The following EHBP1 variants were observed in gnomAD, a reference collection of about 807,000 sequenced individuals.
EHBP1 encodes EH domain binding protein 1.
EHBP1 carries 55 observed loss-of-function variants against 144.0 expected under a neutral mutation model. The ratio of observed to expected loss-of-function variants is 0.38; its 90% confidence interval spans 0.31 to 0.48. The LOEUF is 0.48. EHBP1 is among the 20% of genes least tolerant of loss of function. EHBP1 has a pLI of 0.98. For missense variants in EHBP1, 1,200 were observed against 1,364.2 expected (o/e 0.88, Z 1.90); for synonymous variants, 469 against 472.7 (o/e 0.99, Z 0.10).
chr2:62,717,994 C>T (rs1572945289), intron 2 of EHBP1, among the ~76,000 whole-genome samples: 1 of 152,096 alleles, frequency 6.6e-6, no homozygotes, highest in Admixed American at 6.5e-5. Context: ...TTTAATAGTC[C>T]TCCTGGCTAA....
intron 2 of EHBP1, among the ~76,000 whole-genome samples, chr2:62,723,849 C>T (rs1327159028): frequency 1.3e-5 from 2 of 152,170 alleles, no homozygotes; most frequent in Non-Finnish European, 2.9e-5. Context: ...CTGAGAGGTC[C>T]ACTGTTAGTC....
chr2:62,958,559 A>T (rs2057836358), intron 14 of EHBP1, among the ~76,000 whole-genome samples: 1 of 152,216 alleles, frequency 6.6e-6, no homozygotes, highest in Non-Finnish European at 1.5e-5. Flanking sequence ...GGTAGGTGGG[A>T]TATCATGAGC....
intron 8 of EHBP1, among the ~76,000 whole-genome samples, chr2:62,860,917 T>TA (rs1481568115): frequency 6.6e-6 from 1 of 152,092 alleles, no homozygotes; most frequent in African/African-American, 2.4e-5. Context: ...CTGATCTTTT[T>TA]AAATATATGC....
intron 2 of EHBP1, among the ~76,000 whole-genome samples, chr2:62,729,539 T>C (rs1328260624): frequency 1.7e-5 from 2 of 118,742 alleles, no homozygotes; most frequent in African/African-American, 6.7e-5. Context: ...ATATATATAA[T>C]ATATATTATA....
chr2:62,909,484 G>A (rs2054040428), intron 10 of EHBP1, among the ~76,000 whole-genome samples: 1 of 152,188 alleles, frequency 6.6e-6, no homozygotes, highest in Admixed American at 6.5e-5. Context: ...GCTCTGCTAA[G>A]CAGAGTCTTT....
In EHBP1 at chr2:62,870,546, C is replaced by T. The variant is rs571799939; in HGVS notation, c.999-3800C>T. Among the ~76,000 whole-genome samples, 15 of 151,564 alleles carry T rather than the reference C, an allele frequency of 9.9e-5. No homozygotes were observed. The South Asian group carries it at 3.1e-3, about 32-fold the overall frequency. Reference sequence around the variant, plus strand: ...CCTGACCAACATGGTGAGACCCCCCCCATCTACTAAAAATACAAAATTAGC... The same window carrying T: ...CCTGACCAACATGGTGAGACCCCCCTCATCTACTAAAAATACAAAATTAGC... On this transcript the variant is annotated intron_variant, in intron 9 of 22. Coordinates refer to ENST00000431489, the MANE Select transcript of EHBP1 (RefSeq NM_001142616.3).
At chr2:62,782,374 T>C (rs1204599364) in intron 5 of EHBP1, among the ~76,000 whole-genome samples, 2 of 152,264 alleles carry the variant, frequency 1.3e-5, no homozygotes, top group Admixed American at 6.5e-5. Context: ...TGGCTATGTG[T>C]ATTCCTAGAG....
At chr2:62,690,938 C>T (rs1270636859) in intron 1 of EHBP1, among the ~76,000 whole-genome samples, 1 of 152,188 alleles carries the variant, frequency 6.6e-6, no homozygotes, top group Non-Finnish European at 1.5e-5. Context: ...GCTGTGATGA[C>T]AAATGCATTT....
rs137944034 is a variant in EHBP1 at position 62,682,465 on chromosome 2, A to G, written c.-296+8382A>G. ...ATTGTCCTTTTTGTTCTTTATAACC[A>G]TCTGTGAACAGTTTTTATAGCAGCT... On this transcript the variant is annotated intron_variant, in intron 1 of 22. Coordinates refer to the EHBP1 transcript ENST00000405015. Among the ~76,000 whole-genome samples, 306 of 152,326 alleles carry G rather than the reference A, an allele frequency of 2.0e-3. 1 individual carries two copies. Among genetic ancestry groups the G allele is most frequent in the African/African-American group, 7.0e-3 (290 of 41,576 alleles).
At chr2:62,715,387 T>C (rs1353756364) in intron 2 of EHBP1, among the ~76,000 whole-genome samples, 3 of 152,130 alleles carry the variant, frequency 2.0e-5, no homozygotes, top group African/African-American at 7.2e-5. Context: ...GTGCTGGGAT[T>C]ACAGATGTGA....
chr2:62,708,308 T>G (rs1428918420), intron 2 of EHBP1, among the ~76,000 whole-genome samples: 1 of 152,224 alleles, frequency 6.6e-6, no homozygotes, highest in Non-Finnish European at 1.5e-5. Flanking sequence ...CATGCACTCA[T>G]TACCTACTTT....
intron 21 of EHBP1, among the ~76,000 whole-genome samples, chr2:63,041,791 C>T (rs1292131775): frequency 6.6e-6 from 1 of 152,124 alleles, no homozygotes; most frequent in Non-Finnish European, 1.5e-5. Flanking sequence ...CCCCAATGTG[C>T]TCTTTACAAA....
chr2:62,820,209 T>A, intron 5 of EHBP1, among the ~76,000 whole-genome samples: 1 of 128,888 alleles, frequency 7.8e-6, no homozygotes, highest in East Asian at 2.2e-4. Flanking sequence ...GAAACTCTTG[T>A]CTCAAAAAAA....
chr2:62,757,426 C>CTTTTTTT (rs555494268), intron 3 of EHBP1, among the ~76,000 whole-genome samples: 6 of 113,034 alleles, frequency 5.3e-5, no homozygotes, highest in Admixed American at 8.9e-5. Context: ...TTTTTTTTTT[C>CTTTTTTT]TTTTTTTTTT....
At chr2:62,917,822 G>T (rs951703048) in intron 10 of EHBP1, among the ~76,000 whole-genome samples, 3 of 151,960 alleles carry the variant, frequency 2.0e-5, no homozygotes, top group Admixed American at 2.0e-4. Flanking sequence ...CAGACCTACA[G>T]AGGAATGTCT....
intron 15 of EHBP1, among the ~76,000 whole-genome samples, chr2:62,987,342 T>C (rs2059240211): frequency 6.6e-6 from 1 of 152,232 alleles, no homozygotes; most frequent in Admixed American, 6.5e-5. Context: ...GATTTTGCTC[T>C]ACCAAGATTT....
chr2:62,750,420 T>C (rs572528190), intron 3 of EHBP1, among the ~76,000 whole-genome samples: 6 of 152,356 alleles, frequency 3.9e-5, no homozygotes, highest in African/African-American at 9.6e-5. Context: ...GGTAGCATGA[T>C]GCCTCCAGCT....
rs540078630 is a variant in EHBP1 at position 62,835,479 on chromosome 2, G to A, written c.634+4321G>A. Among the ~76,000 whole-genome samples the A allele has an allele frequency of 8.2e-4, 125 of 152,252 alleles. 1 individual carries two copies. The highest frequency in any genetic ancestry group is 2.2e-3 in the African/African-American group (90 of 41,550). On this transcript the variant is annotated intron_variant, in intron 7 of 22. Coordinates refer to ENST00000431489, the MANE Select transcript of EHBP1 (RefSeq NM_001142616.3). ...TCTCTACTTACATTAAAAATAAAGC[G>A]GGGGAGGAGCCAAGATGGCCGAATA...
chr2:62,840,659 C>G (rs980010340), intron 7 of EHBP1, among the ~76,000 whole-genome samples: 1 of 151,338 alleles, frequency 6.6e-6, no homozygotes, highest in African/African-American at 2.4e-5. Context: ...AACAAACAAC[C>G]CCATCAAAAA....
Sources: allele counts gnomAD v4.1 joint callset (sites outside exome capture counted in the v4.1 genomes callset), GRCh38; gene constraint gnomAD v4.1.1; transcripts MANE v1.5; gene names NCBI Gene and HGNC (gene_info 2026-07-23, HGNC 2026-07-21).